Variants in TAFA5 observed in about 807,000 individuals in gnomAD.
TAFA5 encodes the protein chemokine-like protein TAFA-5.
A neutral mutation model predicts 15.3 loss-of-function variants in TAFA5; 6 were observed. The observed-to-expected ratio is 0.39, with a 90% CI of 0.21 to 0.77. The LOEUF (loss-of-function observed/expected upper bound fraction) is 0.77. TAFA5 is among the 30% of genes least tolerant of loss of function. The pLI, the probability that TAFA5 is intolerant of heterozygous loss-of-function variation, is 0.41. For missense variants in TAFA5, 161 were observed against 193.1 expected, an observed-to-expected ratio of 0.83 and a Z score of 0.98; for synonymous variants, 103 against 80.7, an observed-to-expected ratio of 1.28 and a Z score of -1.48.
At chr22:48,571,705 A>C (rs1923600261) in intron 1 of TAFA5, among the ~76,000 whole-genome samples, 2 of 148,428 alleles carry the variant, frequency 1.3e-5, no homozygotes, top group Admixed American at 1.4e-4. Flanking sequence ...TACAATCTGA[A>C]GATGTGCATT....
At chr22:48,668,293 G>A (rs1256002328) in intron 2 of TAFA5, among the ~76,000 whole-genome samples, 5 of 19,622 alleles carry the variant, frequency 2.5e-4, no homozygotes, top group African/African-American at 1.8e-3. Flanking sequence ...TCAGGACCGC[G>A]TCTTCACTGG....
chr22:48,616,951 G>T (rs1925629548), intron 1 of TAFA5, among the ~76,000 whole-genome samples: 1 of 152,114 alleles, frequency 6.6e-6, no homozygotes, highest in African/African-American at 2.4e-5. Context: ...CTGGATCTGG[G>T]CTTCATCCAT....
At chr22:48,633,766 T>A (rs972780789) in intron 1 of TAFA5, among the ~76,000 whole-genome samples, 4 of 152,154 alleles carry the variant, frequency 2.6e-5, no homozygotes, top group Non-Finnish European at 5.9e-5. Flanking sequence ...AAGTTACATA[T>A]TAAGTCATCT....
intron 1 of TAFA5, among the ~76,000 whole-genome samples, chr22:48,548,508 G>A (rs896936531): frequency 6.6e-6 from 1 of 152,214 alleles, no homozygotes; most frequent in Non-Finnish European, 1.5e-5. Flanking sequence ...GGCTTTGACC[G>A]TGGGTCTGTG....
chr22:48,533,724 G>T (rs758018186), intron 1 of TAFA5, among the ~76,000 whole-genome samples: 1 of 152,160 alleles, frequency 6.6e-6, no homozygotes, highest in South Asian at 2.1e-4. Flanking sequence ...ATGAAATTTC[G>T]CAGTGAGCTG....
At chr22:48,680,287 G>T (rs894115100) in intron 2 of TAFA5, among the ~76,000 whole-genome samples, 6 of 152,332 alleles carry the variant, frequency 3.9e-5, no homozygotes, top group Non-Finnish European at 8.8e-5. Context: ...TGCGTCCCAC[G>T]ACCCAGGTTG....
chr22:48,583,308 C>CA (rs1168341014), intron 1 of TAFA5, among the ~76,000 whole-genome samples: 1 of 147,336 alleles, frequency 6.8e-6, no homozygotes, highest in East Asian at 2.1e-4. Flanking sequence ...ACCACACACA[C>CA]ACCACACACT....
chr22:48,648,945 G>T (rs372532220), intron 2 of TAFA5, among the ~76,000 whole-genome samples: 2 of 152,226 alleles, frequency 1.3e-5, no homozygotes, highest in South Asian at 4.1e-4. Flanking sequence ...CAGAGTCAGG[G>T]CATGGTCAGG....
In TAFA5 at chr22:48,509,442, T is replaced by C. The variant is rs562757702; in HGVS notation, c.112+19738T>C. On this transcript the variant is annotated intron_variant, in intron 1 of 3. Coordinates refer to ENST00000402357, the MANE Select transcript of TAFA5 (RefSeq NM_001082967.3). ...CATTCCCACCGATAGTGTATACGGC[T>C]TCCCTTTTCTCTGAATCCTTGCCAG... is the stretch of plus-strand genomic sequence containing the variant. Among the ~76,000 whole-genome samples, 5 of 152,350 alleles carry C rather than the reference T, an allele frequency of 3.3e-5. No homozygotes were observed. In the East Asian group the frequency reaches 7.7e-4, roughly 23 times the overall value.
rs527637164 is a variant in TAFA5 at position 48,649,166 on chromosome 22, C to T, written c.262+2420C>T. Among the ~76,000 whole-genome samples the T allele has an allele frequency of 5.9e-5, 9 of 152,350 alleles. 1 individual carries two copies. In the South Asian group the frequency reaches 1.0e-3, roughly 18 times the overall value. ...AGCATGCCTTGCCCAGGTCTCAGTCCGTGCAGCTCTCCTGGTCACAGATGC... is the reference window on the plus strand; with the variant it reads ...AGCATGCCTTGCCCAGGTCTCAGTCTGTGCAGCTCTCCTGGTCACAGATGC... On this transcript the variant is annotated intron_variant, in intron 2 of 3. Transcript: ENST00000402357.
At chr22:48,584,134 C>T (rs2147150221) in intron 1 of TAFA5, among the ~76,000 whole-genome samples, 1 of 145,030 alleles carries the variant, frequency 6.9e-6, no homozygotes, top group South Asian at 2.2e-4. Context: ...ATCACATGCA[C>T]ACACCCCCCC....
chr22:48,723,067 C>T (rs1025398636), intron 3 of TAFA5, among the ~76,000 whole-genome samples: 1 of 152,164 alleles, frequency 6.6e-6, no homozygotes, highest in African/African-American at 2.4e-5. Context: ...CCCCTGAGCC[C>T]CAGGTTCCCA....
chr22:48,575,479 C>T (rs1302661617), intron 1 of TAFA5, among the ~76,000 whole-genome samples: 3 of 146,284 alleles, frequency 2.1e-5, no homozygotes, highest in African/African-American at 7.3e-5. Flanking sequence ...CTCCCGCCGC[C>T]TCCCCCGAGG....
rs187402103 is a variant in TAFA5 at position 48,694,251 on chromosome 22, G to A, written c.263-13466G>A. 3.5e-4 allele frequency among the ~76,000 whole-genome samples: 53 copies of A among 152,294 alleles called. No homozygotes were observed. In the East Asian group the frequency reaches 8.7e-3, roughly 25 times the overall value. On this transcript the variant is annotated intron_variant, in intron 2 of 3. Transcript: ENST00000402357. ...CAGTCCCTGGGAGGACCAGCAGGGC[G>A]GCCCTGACAGTCGGCAGCTGTCCAA...
intron 1 of TAFA5, among the ~76,000 whole-genome samples, chr22:48,590,532 T>C (rs1198540422): frequency 1.3e-5 from 2 of 152,146 alleles, no homozygotes; most frequent in Non-Finnish European, 2.9e-5. Context: ...CGGGAGACAC[T>C]GTTGTGGCTT....
intron 1 of TAFA5, among the ~76,000 whole-genome samples, chr22:48,583,213 C>G (rs995550963): frequency 6.7e-6 from 1 of 149,430 alleles, no homozygotes; most frequent in Non-Finnish European, 1.5e-5. Flanking sequence ...ACACATACCA[C>G]ACACCACATA....
rs548893636 is a variant in TAFA5, at chr22:48,716,427, C to T, written c.390+8583C>T. On this transcript the variant is annotated intron_variant, in intron 3 of 3. Coordinates refer to ENST00000402357, the MANE Select transcript of TAFA5 (RefSeq NM_001082967.3). ...GCAAACTAACACAGGAACAGAAAAC[C>T]GAACACCACGTGTTCTCACTCATAA... 8.5e-4 allele frequency among the ~76,000 whole-genome samples: 130 copies of T among 152,254 alleles called. No homozygotes were observed. In the South Asian group the frequency reaches 0.025, roughly 30 times the overall value.
chr22:48,680,355 G>T (rs969784614), intron 2 of TAFA5, among the ~76,000 whole-genome samples: 3 of 152,238 alleles, frequency 2.0e-5, no homozygotes, highest in African/African-American at 7.2e-5. Context: ...GGAGACTTTA[G>T]TGCACAGCCT....
chr22:48,618,685 T>A (rs1477418645), intron 1 of TAFA5, among the ~76,000 whole-genome samples: 3 of 152,208 alleles, frequency 2.0e-5, no homozygotes, highest in Non-Finnish European at 1.5e-5. Context: ...AGCGGGCCCT[T>A]GCTGCTCTGC....
Sources: gnomAD v4.1 joint callset for allele counts (sites outside exome capture counted in the v4.1 genomes callset) on GRCh38, gnomAD v4.1.1 for gene constraint, MANE v1.5 for transcripts, NCBI Gene and HGNC (gene_info 2026-07-23, HGNC 2026-07-21) for gene names.